EPHA5: variants seen among roughly 807,000 people sequenced by gnomAD.
The protein encoded by EPHA5 is ephrin type-A receptor 5.
EPHA5 carries 60 observed loss-of-function variants against 105.0 expected under a neutral mutation model. The observed-to-expected ratio is 0.57, with a 90% CI of 0.46 to 0.71. The LOEUF is 0.71. EPHA5 is among the 30% of genes least tolerant of loss of function. The probability of loss-of-function intolerance (pLI) is 0.00; values close to 1 mark genes in which losing one functional copy is unlikely to be tolerated. For missense variants in EPHA5, 1,218 were observed against 1,274.7 expected, an observed-to-expected ratio of 0.96 and a Z score of 0.68; for synonymous variants, 513 against 449.1, an observed-to-expected ratio of 1.14 and a Z score of -1.80.
At chr4:65,408,912 T>C (rs887804302) in intron 7 of EPHA5, among the ~76,000 whole-genome samples, 2 of 152,046 alleles carry the variant, frequency 1.3e-5, no homozygotes, top group African/African-American at 4.8e-5. Flanking sequence ...AAGGCATTAT[T>C]AACAATAGCA....
intron 8 of EPHA5, among the ~76,000 whole-genome samples, chr4:65,391,869 T>C (rs531347211): frequency 1.3e-5 from 2 of 152,320 alleles, no homozygotes; most frequent in South Asian, 2.1e-4. Context: ...GATTCTTTAC[T>C]TAAATAATTT....
chr4:65,605,133 G>A (rs1435257290), intron 2 of EPHA5, among the ~76,000 whole-genome samples: 4 of 152,082 alleles, frequency 2.6e-5, no homozygotes, highest in Non-Finnish European at 4.4e-5. Flanking sequence ...TACGCAGCTT[G>A]GGTTTGCTTG....
intron 5 of EPHA5, among the ~76,000 whole-genome samples, chr4:65,455,188 G>T (rs1218714368): frequency 6.6e-6 from 1 of 151,952 alleles, no homozygotes; most frequent in African/African-American, 2.4e-5. Context: ...AGCCAAGATT[G>T]TGCCACTGCA....
chr4:65,484,323 C>T (rs903947771), intron 5 of EPHA5, among the ~76,000 whole-genome samples: 8 of 152,160 alleles, frequency 5.3e-5, no homozygotes, highest in Non-Finnish European at 1.0e-4. Context: ...AGACACCATG[C>T]TTGTCAACTA....
intron 3 of EPHA5, among the ~76,000 whole-genome samples, chr4:65,509,430 C>A (rs902697708): frequency 6.6e-6 from 1 of 151,972 alleles, no homozygotes; most frequent in South Asian, 2.1e-4. Flanking sequence ...TTTCAAAACC[C>A]GAATGGGTCT....
chr4:65,324,742 C>CTTTTTTTTTTTT (rs368440921), intron 16 of EPHA5, among the ~76,000 whole-genome samples: 1 of 131,362 alleles, frequency 7.6e-6, no homozygotes. Context: ...CAATGTTTTA[C>CTTTTTTTTTTTT]TTTTTTTTTT....
At chr4:65,432,524 CT>C (rs34315067) in intron 5 of EPHA5, among the ~76,000 whole-genome samples, 2 of 151,904 alleles carry the variant, frequency 1.3e-5, no homozygotes, top group Non-Finnish European at 2.9e-5. Context: ...TGTTGAGTTC[CT>C]TTTCGTTGTT....
chr4:65,454,920 CTT>C (rs2149115633), intron 5 of EPHA5, among the ~76,000 whole-genome samples: 1 of 152,276 alleles, frequency 6.6e-6, no homozygotes, highest in African/African-American at 2.4e-5. Context: ...GACTCTCTCT[CTT>C]TCTCTTTCAT....
At chr4:65,360,301 C>T (rs916765373) in intron 11 of EPHA5, among the ~76,000 whole-genome samples, 1 of 151,602 alleles carries the variant, frequency 6.6e-6, no homozygotes, top group African/African-American at 2.4e-5. Flanking sequence ...GCTATAGCCC[C>T]ACTGATTAGT....
chr4:65,623,387 C>A (rs1215643148), intron 2 of EPHA5, among the ~76,000 whole-genome samples: 1 of 150,966 alleles, frequency 6.6e-6, no homozygotes, highest in African/African-American at 2.4e-5. Flanking sequence ...TTCTTTCATT[C>A]AACAATTATA....
At chr4:65,522,275 T>C (rs950539282) in intron 3 of EPHA5, among the ~76,000 whole-genome samples, 8 of 149,816 alleles carry the variant, frequency 5.3e-5, no homozygotes, top group African/African-American at 1.5e-4. Context: ...CAATTGATCA[T>C]TGTAAATGAA....
chr4:65,468,302 C>T (rs978190450), intron 5 of EPHA5, among the ~76,000 whole-genome samples: 3 of 151,410 alleles, frequency 2.0e-5, no homozygotes, highest in African/African-American at 7.3e-5. Context: ...TGGTTTGTTA[C>T]ATATCACATA....
chr4:65,589,908 T>C (rs1051339821), intron 3 of EPHA5, among the ~76,000 whole-genome samples: 3 of 152,130 alleles, frequency 2.0e-5, no homozygotes, highest in Admixed American at 1.3e-4. Flanking sequence ...AAATGGAAAA[T>C]AAAACTTTGA....
At chr4:65,491,689 A>G (rs1399541844) in intron 4 of EPHA5, among the ~76,000 whole-genome samples, 1 of 152,022 alleles carries the variant, frequency 6.6e-6, no homozygotes, top group Non-Finnish European at 1.5e-5. Context: ...GAATCATCTT[A>G]TTTCAATAAG....
intron 8 of EPHA5, among the ~76,000 whole-genome samples, chr4:65,386,380 T>C (rs968530772): frequency 5.9e-5 from 9 of 151,954 alleles, no homozygotes; most frequent in Non-Finnish European, 1.2e-4. Context: ...TCATGTACCA[T>C]TGAGGGGAAT....
chr4:65,416,911 T>G (rs1723436798), intron 6 of EPHA5, among the ~76,000 whole-genome samples: 1 of 152,244 alleles, frequency 6.6e-6, no homozygotes, highest in African/African-American at 2.4e-5. Flanking sequence ...TTTCTACATA[T>G]CACAAACTTT....
intron 2 of EPHA5, among the ~76,000 whole-genome samples, chr4:65,623,959 A>C (rs1447764502): frequency 2.0e-5 from 3 of 152,198 alleles, no homozygotes; most frequent in African/African-American, 7.2e-5. Flanking sequence ...GTTTTATCTG[A>C]CAAAATGACT....
chr4:65,627,880 T>C (rs1746294027), intron 2 of EPHA5, among the ~76,000 whole-genome samples: 1 of 152,164 alleles, frequency 6.6e-6, no homozygotes, highest in African/African-American at 2.4e-5. Flanking sequence ...TCATGTCATA[T>C]TTCAAATCAG....
At chr4:65,354,522 C>A (rs1723117852) in intron 11 of EPHA5, among the ~76,000 whole-genome samples, 1 of 151,512 alleles carries the variant, frequency 6.6e-6, no homozygotes, top group Non-Finnish European at 1.5e-5. Flanking sequence ...AAACAGAGAC[C>A]TATGATAATA....
Sources: gnomAD v4.1 joint callset for allele counts (sites outside exome capture counted in the v4.1 genomes callset) on GRCh38, gnomAD v4.1.1 for gene constraint, MANE v1.5 for transcripts, NCBI Gene and HGNC (gene_info 2026-07-23, HGNC 2026-07-21) for gene names.